Variants in MYO1F observed in about 807,000 individuals in gnomAD.
The protein encoded by MYO1F is unconventional myosin-If.
In MYO1F, 60 loss-of-function variants were observed where a neutral mutation model predicts 146.6. The ratio of observed to expected loss-of-function variants is 0.41; its 90% CI spans 0.33 to 0.51. The LOEUF is 0.51. MYO1F is among the 20% of genes least tolerant of loss of function. The pLI is 0.25. For missense variants in MYO1F, 1,274 were observed against 1,534.3 expected, an observed-to-expected ratio of 0.83 and a Z score of 2.83; for synonymous variants, 602 against 602.1, an observed-to-expected ratio of 1.00 and a Z score of 0.00.
Position 8,565,372 on chromosome 19 carries a change from G to C in MYO1F, c.4-9576C>G, listed in dbSNP as rs184040351. ...AGCCTGACCAACGTGGGGAAACCCC[G>C]TCTCCACTAAAAGTACAACATTAGC... On this transcript the variant is annotated intron_variant, in intron 1 of 27. Coordinates refer to ENST00000644032, the MANE Select transcript of MYO1F (RefSeq NM_012335.4). Among the ~76,000 whole-genome samples the C allele has an allele frequency of 9.2e-5, 14 of 151,544 alleles. No individual in the cohort carries two copies. In the East Asian group the frequency reaches 1.4e-3, roughly 15 times the overall value.
intron 12 of MYO1F, among the ~76,000 whole-genome samples, chr19:8,547,691 TG>T (rs1287378566): frequency 6.6e-6 from 1 of 152,064 alleles, no homozygotes; most frequent in Admixed American, 6.6e-5. Context: ...CATTTGTCTC[TG>T]AATCCTTGCC....
chr19:8,561,441 TTCCTTCCTCCCTCTCTCC>T (rs1974115599), intron 1 of MYO1F, among the ~76,000 whole-genome samples: 3 of 107,730 alleles, frequency 2.8e-5, no homozygotes, highest in Admixed American at 1.1e-4. Context: ...TCTCCCTCCC[TTCCTTCCTCCCTCTCTCC>T]CTCTCTCTCT....
At chr19:8,574,516 TTTC>T (rs2042167011) in intron 1 of MYO1F, among the ~76,000 whole-genome samples, 1 of 152,122 alleles carries the variant, frequency 6.6e-6, no homozygotes, top group South Asian at 2.1e-4. Flanking sequence ...TTTTCCTTTA[TTTC>T]TTCTTTTTTC....
In MYO1F at chr19:8,541,919, G is replaced by A. The variant is rs1370334960; in HGVS notation, c.1597C>T (p.Gln533Ter). ...GGGACCACTCACTGCTCACTGGTCT[G>A]CATCAGCTCTATGAGGTCGGAGAAG... ...VLFSDLIELM[Q>*]TSEQAFLRML... The change falls in exon 15 of 28, where the codon CAG (glutamine) becomes TAG (stop). Residue 533 changes from glutamine (Q) to a stop codon, truncating the protein, a stop_gained. Coordinates refer to ENST00000644032, the MANE Select transcript of MYO1F (RefSeq NM_012335.4). LOFTEE classifies it high-confidence loss of function. 4 of 1,613,370 alleles carry A rather than the reference G, an allele frequency of 2.5e-6. No individual in the cohort carries two copies. Among genetic ancestry groups the A allele is most frequent in the African/African-American group, 1.3e-5 (1 of 74,920 alleles).
At chr19:8,536,439 A>T in intron 18 of MYO1F, 43 bp from the exon 19 acceptor site, 1 of 1,604,936 alleles carries the variant, frequency 6.2e-7, no homozygotes, top group Non-Finnish European at 8.5e-7. Flanking sequence ...CATAGCAGAC[A>T]GGCCTGGCTG....
At chr19:8,541,744 T>C (rs1206309508) in intron 15 of MYO1F, 162 bp downstream of exon 15, 1 of 712,210 alleles carries the variant, frequency 1.4e-6, no homozygotes, top group African/African-American at 1.7e-5. Context: ...AGTTACTTTT[T>C]ACATCAGAAC....
At chr19:8,560,732 C>T (rs576273472) in intron 1 of MYO1F, among the ~76,000 whole-genome samples, 26 of 121,464 alleles carry the variant, frequency 2.1e-4, no homozygotes, top group African/African-American at 6.4e-4. Context: ...CATGCCACCA[C>T]GCCTGGCTAA....
At position 8,545,847 on chromosome 19, in the gene MYO1F, C is replaced by T. The variant is rs1425734296; in HGVS notation, c.1270-111G>A. 4 of 810,502 alleles carry T rather than the reference C, an allele frequency of 4.9e-6. No homozygotes were observed. In the African/African-American group the frequency reaches 5.0e-5, roughly 10 times the overall value. 50.2% of individuals were successfully genotyped at this position (810,502 alleles called of 1,614,324 possible). On this transcript the variant is annotated intron_variant, in intron 12 of 27. Coordinates refer to ENST00000644032, the MANE Select transcript of MYO1F (RefSeq NM_012335.4). ...CATCACTTAGGACTGTCTCTGGTAA[C>T]AAAGCCCGTCACTCCTATGTGGGCA...
chr19:8,548,405 A>G lies in MYO1F; in HGVS notation c.1102-88T>C, dbSNP rs568261351. 44 of 1,224,114 alleles carry G rather than the reference A, an allele frequency of 3.6e-5. No individual in the cohort carries two copies. The African/African-American group carries it at 5.9e-4, about 16-fold the overall frequency. The allele number at this position is 1,224,114 out of a possible 1,614,324, so 75.8% of individuals were successfully genotyped here. ...CACTCCTTAGACACACGCCTAGCCA[A>G]CTTCATGGGTGATGTCCCCTCATGC... On this transcript the variant is annotated intron_variant, in intron 10 of 27. Coordinates refer to ENST00000644032, the MANE Select transcript of MYO1F (RefSeq NM_012335.4).
intron 1 of MYO1F, among the ~76,000 whole-genome samples, chr19:8,558,649 A>G (rs1438896102): frequency 6.6e-6 from 1 of 152,096 alleles, no homozygotes; most frequent in Non-Finnish European, 1.5e-5. Context: ...GCAAAGGAGT[A>G]GTCTGACAGA....
chr19:8,567,588 C>T (rs1297260705), intron 1 of MYO1F, among the ~76,000 whole-genome samples: 1 of 152,176 alleles, frequency 6.6e-6, no homozygotes, highest in East Asian at 1.9e-4. Flanking sequence ...AACTCCCAAC[C>T]TCAGGTGATC....
intron 1 of MYO1F, among the ~76,000 whole-genome samples, chr19:8,574,031 A>G (rs1468144878): frequency 4.6e-5 from 7 of 152,132 alleles, no homozygotes; most frequent in African/African-American, 1.7e-4. Context: ...ACCAGCAGCA[A>G]ATGAACGCTA....
intron 1 of MYO1F, among the ~76,000 whole-genome samples, chr19:8,561,522 TTC>T (rs1429214824): frequency 7.1e-6 from 1 of 141,656 alleles, no homozygotes; most frequent in Non-Finnish European, 1.5e-5. Flanking sequence ...TCTTCTCTCT[TTC>T]TCTCTTCTTT....
rs191697282 is a variant in MYO1F, at chr19:8,533,336, C to A, written c.2044-2763G>T. ...GAGCCAGCGTGCCCAGCCTCAGATT[C>A]TTCTTCTTCTTCTTCTTCTTCTTTT... On this transcript the variant is annotated intron_variant, in intron 19 of 27. Transcript: ENST00000644032. Among the ~76,000 whole-genome samples the A allele has an allele frequency of 8.6e-5, 12 of 139,794 alleles. No homozygotes were observed. In the East Asian group the frequency reaches 1.8e-3, roughly 22 times the overall value. 91.7% of individuals were successfully genotyped at this position (139,794 alleles called of 152,430 possible). A position where few individuals can be genotyped will look rare whatever the true frequency, so the allele number is the denominator to read the frequency against.
intron 1 of MYO1F, among the ~76,000 whole-genome samples, chr19:8,571,835 G>A (rs1031494082): frequency 5.3e-5 from 8 of 152,136 alleles, no homozygotes; most frequent in African/African-American, 1.9e-4. Flanking sequence ...CTGACCTCAT[G>A]ATCTGCCCGC....
At chr19:8,529,098 G>A (rs1202689368) in intron 21 of MYO1F, among the ~76,000 whole-genome samples, 1 of 152,104 alleles carries the variant, frequency 6.6e-6, no homozygotes, top group Non-Finnish European at 1.5e-5. Context: ...ATGTGAAGTT[G>A]TACAGATCAT....
Position 8,563,920 on chromosome 19 carries a change from C to T in MYO1F, c.4-8124G>A, listed in dbSNP as rs79980665. Reference sequence around the variant, plus strand: ...CTGAGATTATAGGCATGAGCCACTGCGCTTTGGCCTGACCCTAGCACTCTC... The same window carrying T: ...CTGAGATTATAGGCATGAGCCACTGTGCTTTGGCCTGACCCTAGCACTCTC... On this transcript the variant is annotated intron_variant, in intron 1 of 27. Coordinates refer to ENST00000644032, the MANE Select transcript of MYO1F (RefSeq NM_012335.4). Among the ~76,000 whole-genome samples the T allele has an allele frequency of 5.6e-4, 85 of 152,216 alleles. No homozygotes were observed. In the East Asian group the frequency reaches 0.014, roughly 25 times the overall value.
At chr19:8,521,905 T>G (rs576814588) in intron 27 of MYO1F, among the ~76,000 whole-genome samples, 1 of 152,232 alleles carries the variant, frequency 6.6e-6, no homozygotes, top group South Asian at 2.1e-4. Flanking sequence ...TCCTCCTGCC[T>G]CAGCCACTGA....
intron 26 of MYO1F, 35 bp downstream of exon 26, chr19:8,522,599 C>T (rs201578688): frequency 1.2e-6 from 2 of 1,607,938 alleles, no homozygotes; most frequent in Non-Finnish European, 1.7e-6. Context: ...CTACCCCCTG[C>T]CCACCTCCTG....
Sources: allele counts gnomAD v4.1 joint callset (sites outside exome capture counted in the v4.1 genomes callset), GRCh38; gene constraint gnomAD v4.1.1; transcripts MANE v1.5; gene names NCBI Gene and HGNC (gene_info 2026-07-23, HGNC 2026-07-21).